Variants in C17orf67 observed in about 807,000 individuals in gnomAD.
C17orf67 encodes the protein chromosome 17 open reading frame 67.
A neutral mutation model predicts 11.2 loss-of-function variants in C17orf67; 12 were observed. The ratio of observed to expected loss-of-function variants is 1.07; its 90% CI spans 0.68 to 1.73. The LOEUF (loss-of-function observed/expected upper bound fraction) is 1.73, where lower values mean the gene tolerates loss of function less well. Ranked by LOEUF, C17orf67 falls within the 40% of genes most tolerant of loss-of-function variation. The probability of loss-of-function intolerance (pLI) is 0.00; values close to 1 mark genes in which losing one functional copy is unlikely to be tolerated. For missense variants in C17orf67, 115 were observed against 113.5 expected, an observed-to-expected ratio of 1.01 and a Z score of -0.06; for synonymous variants, 59 against 46.9, an observed-to-expected ratio of 1.26 and a Z score of -1.05.
At chr17:56,822,451 T>G (rs979984575) in intron 4 of C17orf67, among the ~76,000 whole-genome samples, 1 of 152,150 alleles carries the variant, frequency 6.6e-6, no homozygotes, top group Non-Finnish European at 1.5e-5. Flanking sequence ...TTGGGGAAAT[T>G]TCTTAACTTT....
In C17orf67 at chr17:56,815,736, T is replaced by C; in HGVS notation, c.55+20A>G. ...ATCATGTCAGCATAGAAATAGGCTG[T>C]TTTTGGAGTCAGTGCCCACCTGAGA... On this transcript the variant is annotated intron_variant, in intron 5 of 7. Coordinates refer to ENST00000397861, the MANE Select transcript of C17orf67 (RefSeq NM_001085430.4). 1 of 1,581,346 alleles carries C rather than the reference T, an allele frequency of 6.3e-7. No homozygotes were observed. Among genetic ancestry groups the C allele is most frequent in the Non-Finnish European group, 8.6e-7 (1 of 1,158,738 alleles).
Position 56,815,803 on chromosome 17 carries a change from G to A in C17orf67, c.8C>T (p.Thr3Ile), listed in dbSNP as rs767675863. 6.2e-7 allele frequency: 1 copy of A among 1,613,910 alleles called. No individual in the cohort carries two copies. MK[T>I]LPVLVLSLTL... ...AAGAGACAGCACGAGCACAGGCAAT[G>A]TCTTCATCCTGCCTTGGTTCCTCTG... The change falls in exon 5 of 8, where the codon ACA becomes ATA. Residue 3 changes from threonine to isoleucine, a missense_variant. Transcript: ENST00000397861.
intron 6 of C17orf67, 87 bp downstream of exon 6, chr17:56,814,782 C>T: frequency 7.9e-7 from 1 of 1,261,414 alleles, no homozygotes; most frequent in Non-Finnish European, 1.2e-6. Context: ...TAACTAGCAG[C>T]CCATGCTGGG....
intron 4 of C17orf67, among the ~76,000 whole-genome samples, chr17:56,823,140 C>T (rs936167405): frequency 6.6e-6 from 1 of 152,154 alleles, no homozygotes; most frequent in Non-Finnish European, 1.5e-5. Context: ...ATTTATGAAA[C>T]CACTTCTAAG....
intron 6 of C17orf67, among the ~76,000 whole-genome samples, chr17:56,796,598 C>T (rs893688467): frequency 6.6e-6 from 1 of 152,130 alleles, no homozygotes; most frequent in Non-Finnish European, 1.5e-5. Flanking sequence ...CTCAGGAACC[C>T]GCTCCAGAAC....
At chr17:56,823,056 A>G (rs1178331248) in intron 4 of C17orf67, among the ~76,000 whole-genome samples, 1 of 152,246 alleles carries the variant, frequency 6.6e-6, no homozygotes, top group Admixed American at 6.5e-5. Context: ...GGGACAAAGG[A>G]GCATTGGCAC....
rs1238048788 is a variant in C17orf67, at chr17:56,824,800, G to C, written c.-262C>G. On this transcript the variant is annotated 5_prime_UTR_variant, in exon 4 of 8. Coordinates refer to ENST00000397861, the MANE Select transcript of C17orf67 (RefSeq NM_001085430.4). ...GCTATTTCCCAAAAGGGCCAGCTTT[G>C]GGCTTTTCAGTCTTTCAAACAAAAC... 1 of 152,134 alleles carries C rather than the reference G, an allele frequency of 6.6e-6. No individual in the cohort carries two copies. Among genetic ancestry groups the C allele is most frequent in the Admixed American group, 6.6e-5 (1 of 15,262 alleles). The allele number at this position is 152,134 out of a possible 1,614,324, so 9.4% of individuals were successfully genotyped here.
chr17:56,820,910 G>A (rs565264305), intron 4 of C17orf67, among the ~76,000 whole-genome samples: 8 of 151,602 alleles, frequency 5.3e-5, no homozygotes, highest in African/African-American at 9.7e-5. Context: ...AGAGAACTTC[G>A]TTTTGTTTTT....
At chr17:56,806,515 C>T (rs1361771364) in intron 6 of C17orf67, among the ~76,000 whole-genome samples, 1 of 152,146 alleles carries the variant, frequency 6.6e-6, no homozygotes, top group African/African-American at 2.4e-5. Context: ...TATATAAATA[C>T]TGCATATAGT....
At chr17:56,828,471 T>G (rs1250076487) in intron 2 of C17orf67, among the ~76,000 whole-genome samples, 2 of 152,170 alleles carry the variant, frequency 1.3e-5, no homozygotes, top group African/African-American at 4.8e-5. Context: ...GAAATGCAAC[T>G]AGGAATCCGC....
chr17:56,830,102 G>A (rs1308429351), intron 2 of C17orf67, among the ~76,000 whole-genome samples: 1 of 152,084 alleles, frequency 6.6e-6, no homozygotes, highest in Non-Finnish European at 1.5e-5. Flanking sequence ...CCAGCACTTT[G>A]GGAGGCTGAG....
At chr17:56,797,545 T>G (rs544619655) in intron 6 of C17orf67, among the ~76,000 whole-genome samples, 37 of 152,188 alleles carry the variant, frequency 2.4e-4, no homozygotes, top group African/African-American at 8.4e-4. Context: ...GAGAACGGAC[T>G]GGGGTCAGGG....
intron 4 of C17orf67, among the ~76,000 whole-genome samples, chr17:56,816,834 TTTGGTTTGGTTTGGC>T (rs1026118686): frequency 1.3e-5 from 2 of 152,128 alleles, no homozygotes; most frequent in African/African-American, 4.8e-5. Flanking sequence ...CTTGTTTTGT[TTTGGTTTGGTTTGGC>T]TTGGTTTGGT....
intron 6 of C17orf67, among the ~76,000 whole-genome samples, chr17:56,798,014 A>G (rs1243818994): frequency 6.6e-6 from 1 of 152,142 alleles, no homozygotes; most frequent in African/African-American, 2.4e-5. Context: ...TTCTAGTGCA[A>G]TCTCTGGCCT....
intron 4 of C17orf67, among the ~76,000 whole-genome samples, chr17:56,818,725 T>C (rs1266026665): frequency 6.6e-6 from 1 of 152,170 alleles, no homozygotes. Context: ...TAACACATAA[T>C]CAATATAAAC....
At chr17:56,831,602 GA>G (rs1339814491) in intron 2 of C17orf67, among the ~76,000 whole-genome samples, 1 of 152,132 alleles carries the variant, frequency 6.6e-6, no homozygotes, top group African/African-American at 2.4e-5. Context: ...AGGGGTGAAT[GA>G]AATGAGTCTG....
intron 6 of C17orf67, among the ~76,000 whole-genome samples, chr17:56,803,402 T>C (rs183114889): frequency 7.9e-4 from 120 of 152,356 alleles, no homozygotes; most frequent in Non-Finnish European, 3.1e-4. Context: ...AGATCACTGG[T>C]GATATTAACG....
At chr17:56,829,026 T>G (rs1458117826) in intron 2 of C17orf67, among the ~76,000 whole-genome samples, 2 of 152,162 alleles carry the variant, frequency 1.3e-5, no homozygotes, top group Non-Finnish European at 2.9e-5. Context: ...ACACCTGTAA[T>G]TTCAACACTT....
chr17:56,820,450 A>G (rs7223071), intron 4 of C17orf67, among the ~76,000 whole-genome samples: 117,912 of 152,014 alleles, frequency 0.78, 45,886 homozygotes, highest in Middle Eastern at 0.85. Flanking sequence ...CCACCCACAC[A>G]CACTCACGCG....
Sources: gnomAD v4.1 joint callset for allele counts (sites outside exome capture counted in the v4.1 genomes callset) on GRCh38, gnomAD v4.1.1 for gene constraint, MANE v1.5 for transcripts, NCBI Gene and HGNC (gene_info 2026-07-23, HGNC 2026-07-21) for gene names.